The following AGBL1 variants were observed in gnomAD, a reference collection of about 807,000 sequenced individuals.
AGBL1 encodes cytosolic carboxypeptidase 4.
A neutral mutation model predicts 118.9 loss-of-function variants in AGBL1; 130 were observed. The ratio of observed to expected loss-of-function variants is 1.09; its 90% CI spans 0.95 to 1.26. The LOEUF (loss-of-function observed/expected upper bound fraction) is 1.26, where lower values mean the gene tolerates loss of function less well. AGBL1 is among the 50% of genes most tolerant of loss of function. AGBL1 has a pLI of 0.00. For missense variants in AGBL1, 1,584 were observed against 1,298.1 expected (o/e 1.22, Z -3.38); for synonymous variants, 555 against 478.9 (o/e 1.16, Z -2.08).
rs146742676 is a variant in AGBL1, at chr15:86,706,789, A to T, written c.3158+32353A>T. On this transcript the variant is annotated intron_variant, in intron 22 of 22. Coordinates refer to ENST00000614907, the MANE Select transcript of AGBL1 (RefSeq NM_001386094.1). The stretch of plus-strand genomic sequence containing the variant: ...AATAAGCATATTCAATGGAATATAC[A>T]TTTTAACTAGCCCCAAATTTAAATC... Among the ~76,000 whole-genome samples the T allele has an allele frequency of 3.0e-3, 451 of 152,228 alleles. 2 individuals are homozygous for T. Among genetic ancestry groups the T allele is most frequent in the African/African-American group, 0.01 (417 of 41,564 alleles).
intron 22 of AGBL1, among the ~76,000 whole-genome samples, chr15:86,795,576 C>G (rs1348242525): frequency 6.8e-6 from 1 of 147,014 alleles, no homozygotes; most frequent in African/African-American, 2.5e-5. Context: ...GTAAACCTTG[C>G]TTTCTGCTTG....
chr15:86,442,727 G>A (rs559190866), intron 18 of AGBL1, among the ~76,000 whole-genome samples: 8 of 152,272 alleles, frequency 5.3e-5, no homozygotes, highest in Middle Eastern at 3.4e-3. Flanking sequence ...TGGATTATGG[G>A]AAGCAAAAGA....
rs185836821 is a variant in AGBL1, at chr15:86,616,573, T to C, written c.2995-57700T>C. Among the ~76,000 whole-genome samples the C allele has an allele frequency of 2.6e-5, 4 of 152,276 alleles. No individual in the cohort carries two copies. The East Asian group carries it at 7.7e-4, about 29-fold the overall frequency. ...GACACCTCTTGTCTGATTTTGTTAT[T>C]GATTTAACTTGCTGTTGACCCTGGC... On this transcript the variant is annotated intron_variant, in intron 21 of 22. Transcript: ENST00000614907.
In AGBL1 at chr15:86,674,412, A is replaced by T; in HGVS notation, c.3134A>T (p.Asp1045Val). 6.2e-7 allele frequency: 1 copy of T among 1,611,488 alleles called. No homozygotes were observed. The highest frequency in any genetic ancestry group is 1.3e-5 in the African/African-American group (1 of 74,998). ...QAATLLSAEEDALDQHLQRCS... is the reference protein window; with the variant it reads ...QAATLLSAEEVALDQHLQRCS... ...GCAACTCTGCTGAGTGCTGAGGAGG[A>T]CGCTCTGGACCAGCACCTCCAACGG... Residue 1045 changes from aspartate to valine, a missense_variant, in exon 22 of 23, where the codon GAC (aspartate) becomes GTC (valine). Physicochemically the swap from Asp to Val is radical, Grantham distance 152. Transcript: ENST00000614907.
At chr15:86,933,085 G>A (rs1276697689) in intron 23 of AGBL1, 1 of 152,198 alleles carries the variant, frequency 6.6e-6, no homozygotes, top group Admixed American at 6.5e-5. Context: ...GACTTTTCAT[G>A]TGCTAGTCTA....
chr15:86,191,247 C>G (rs2077714315), intron 5 of AGBL1, among the ~76,000 whole-genome samples: 1 of 147,346 alleles, frequency 6.8e-6, no homozygotes, highest in African/African-American at 2.5e-5. Flanking sequence ...ACTTGGGAGG[C>G]TGAGGCAGGA....
At chr15:86,775,843 A>G (rs1286185061) in intron 22 of AGBL1, among the ~76,000 whole-genome samples, 1 of 152,158 alleles carries the variant, frequency 6.6e-6, no homozygotes, top group Middle Eastern at 3.2e-3. Context: ...AGCAATCACC[A>G]ATCTTAAGTA....
At chr15:86,367,396 G>A (rs1056168062) in intron 17 of AGBL1, among the ~76,000 whole-genome samples, 33 of 152,050 alleles carry the variant, frequency 2.2e-4, no homozygotes, top group African/African-American at 7.5e-4. Context: ...TTTCCTATTA[G>A]GTCAAATACA....
chr15:86,095,387 C>G (rs1896294879), intron 1 of AGBL1, among the ~76,000 whole-genome samples: 1 of 152,094 alleles, frequency 6.6e-6, no homozygotes, highest in African/African-American at 2.4e-5. Flanking sequence ...TTTCTGGCAA[C>G]CAGAGTCCAT....
At chr15:86,103,775 A>T (rs117123289) in intron 1 of AGBL1, among the ~76,000 whole-genome samples, 1 of 152,318 alleles carries the variant, frequency 6.6e-6, no homozygotes, top group Non-Finnish European at 1.5e-5. Context: ...CTTGGTCCTC[A>T]GGGTGGCATA....
At chr15:86,527,633 T>C (rs997432809) in intron 19 of AGBL1, among the ~76,000 whole-genome samples, 2 of 152,204 alleles carry the variant, frequency 1.3e-5, no homozygotes, top group African/African-American at 4.8e-5. Flanking sequence ...ACTGTGACTC[T>C]GCCCAAATTC....
At chr15:86,503,762 A>G (rs1191696093) in intron 18 of AGBL1, among the ~76,000 whole-genome samples, 1 of 151,344 alleles carries the variant, frequency 6.6e-6, no homozygotes, top group Non-Finnish European at 1.5e-5. Context: ...TGCTATTGGT[A>G]TCTAATTTAT....
At chr15:86,841,457 T>C (rs941641049) in intron 22 of AGBL1, among the ~76,000 whole-genome samples, 1 of 152,214 alleles carries the variant, frequency 6.6e-6, no homozygotes, top group Admixed American at 6.5e-5. Flanking sequence ...GAAAGACCTA[T>C]GAATGTTTTT....
rs1198561300 is a variant in AGBL1, at chr15:86,389,718, TAAATC to T, written c.2375-7644_2375-7640del. On this transcript the variant is annotated intron_variant, in intron 17 of 22. Coordinates refer to ENST00000614907, the MANE Select transcript of AGBL1 (RefSeq NM_001386094.1). ...TATAGTAGATTATATTATACTATAA[TAAATC>T]AAAGAAGTACCTTGTAATCTCTGAG... 2.6e-5 allele frequency among the ~76,000 whole-genome samples: 4 copies of T among 152,100 alleles called. No homozygotes were observed. The East Asian group carries it at 7.7e-4, about 29-fold the overall frequency.
At chr15:86,627,304 A>G (rs1396813932) in intron 21 of AGBL1, among the ~76,000 whole-genome samples, 1 of 152,206 alleles carries the variant, frequency 6.6e-6, no homozygotes, top group Non-Finnish European at 1.5e-5. Context: ...CCTGCCTGAT[A>G]TAATTTTTAT....
chr15:86,262,620 C>T, intron 9 of AGBL1, 158 bp from the exon 10 acceptor site: 1 of 691,384 alleles, frequency 1.4e-6, no homozygotes, highest in Non-Finnish European at 2.7e-6. Flanking sequence ...AAAATACAAT[C>T]CAGCATAACA....
intron 24 of AGBL1, among the ~76,000 whole-genome samples, chr15:87,017,491 G>C (rs1367886637): frequency 1.3e-5 from 2 of 152,106 alleles, no homozygotes; most frequent in Non-Finnish European, 2.9e-5. Flanking sequence ...CAAGGTACAT[G>C]AAAAACCAAG....
intron 21 of AGBL1, among the ~76,000 whole-genome samples, chr15:86,662,108 A>G (rs972505793): frequency 6.6e-6 from 1 of 152,012 alleles, no homozygotes; most frequent in Non-Finnish European, 1.5e-5. Flanking sequence ...AAATTGGAGA[A>G]AAATAAAGAT....
chr15:86,092,775 CA>C (rs2141469884), intron 1 of AGBL1, among the ~76,000 whole-genome samples: 1 of 152,058 alleles, frequency 6.6e-6, no homozygotes, highest in South Asian at 2.1e-4. Flanking sequence ...GATGGAAAGC[CA>C]AAGAGAGGGA....
Sources: allele counts gnomAD v4.1 joint callset (sites outside exome capture counted in the v4.1 genomes callset), GRCh38; gene constraint gnomAD v4.1.1; transcripts MANE v1.5; gene names NCBI Gene and HGNC (gene_info 2026-07-23, HGNC 2026-07-21).